Variants in TRIM59 observed in about 807,000 individuals in gnomAD.
TRIM59 encodes the protein tripartite motif containing 59.
TRIM59 carries 14 observed loss-of-function variants against 32.2 expected under a neutral mutation model. The ratio of observed to expected loss-of-function variants is 0.43; its 90% CI spans 0.29 to 0.68. TRIM59 has a LOEUF of 0.68. TRIM59 is among the 30% of genes least tolerant of loss of function. TRIM59 has a pLI of 0.15. For missense variants in TRIM59, 471 were observed against 463.3 expected, an observed-to-expected ratio of 1.02 and a Z score of -0.15; for synonymous variants, 163 against 155.1, an observed-to-expected ratio of 1.05 and a Z score of -0.38.
chr3:160,439,098 A>G lies in TRIM59; in HGVS notation c.86T>C (p.Phe29Ser). 1 of 1,550,644 alleles carries G rather than the reference A, an allele frequency of 6.4e-7. No homozygotes were observed. Among genetic ancestry groups the G allele is most frequent in the Non-Finnish European group, 8.7e-7 (1 of 1,150,486 alleles). ...DPRVLPCSHT[F>S]CRNCLENILQ... ...AATGTTTTCCAAACAATTTCTACAAAATGTATGAGAGCATGGCAGTACACG... is the reference window on the plus strand; with the variant it reads ...AATGTTTTCCAAACAATTTCTACAAGATGTATGAGAGCATGGCAGTACACG... The change falls in exon 3 of 3, where the codon TTT (phenylalanine) becomes TCT (serine). Residue 29 changes from phenylalanine to serine, a missense_variant. Coordinates refer to ENST00000309784, the MANE Select transcript of TRIM59 (RefSeq NM_173084.3).
chr3:160,443,983 CAT>C (rs1255327398), intron 2 of TRIM59, among the ~76,000 whole-genome samples: 1 of 151,656 alleles, frequency 6.6e-6, no homozygotes, highest in African/African-American at 2.4e-5. Flanking sequence ...GTATATGAAA[CAT>C]ATTGAGAGGT....
In TRIM59 at chr3:160,444,396, A is replaced by G. The variant is rs543273690; in HGVS notation, c.-4+4330T>C. ...TATAATACAATTTTAAAGAAATAAGAACAATTCTACAAGTATCCACACAGA... is the reference window on the plus strand; with the variant it reads ...TATAATACAATTTTAAAGAAATAAGGACAATTCTACAAGTATCCACACAGA... On this transcript the variant is annotated intron_variant, in intron 2 of 2. Transcript: ENST00000309784. Among the ~76,000 whole-genome samples, 18 of 152,352 alleles carry G rather than the reference A, an allele frequency of 1.2e-4. No homozygotes were observed. The South Asian group carries it at 3.5e-3, about 30-fold the overall frequency.
chr3:160,448,595 G>T (rs1577021532), intron 2 of TRIM59, 131 bp downstream of exon 2: 1 of 439,710 alleles, frequency 2.3e-6, no homozygotes, highest in Non-Finnish European at 3.9e-6. Flanking sequence ...CGATAAAATG[G>T]TTGGAGTTTT....
At chr3:160,440,358 C>T (rs1056679970) in intron 2 of TRIM59, among the ~76,000 whole-genome samples, 1 of 152,142 alleles carries the variant, frequency 6.6e-6, no homozygotes, top group Non-Finnish European at 1.5e-5. Flanking sequence ...TCTCTCGATC[C>T]GTATTTCTCT....
chr3:160,449,586 A>G, intron 1 of TRIM59, 131 bp downstream of exon 1: 1 of 1,289,172 alleles, frequency 7.8e-7, no homozygotes, highest in Non-Finnish European at 1.0e-6. Flanking sequence ...TGCAGGTCCC[A>G]AGCCACTCCC....
intron 2 of TRIM59, among the ~76,000 whole-genome samples, chr3:160,448,018 C>T (rs1341068660): frequency 2.6e-5 from 4 of 151,964 alleles, no homozygotes; most frequent in African/African-American, 7.3e-5. Context: ...TGAGAGATCA[C>T]CTTAACTTTT....
Position 160,436,147 on chromosome 3 carries a change from T to C in TRIM59, c.*1825A>G, listed in dbSNP as rs1290746161. ...TAATTGTGCTAGGTATAAGTCTGAT[T>C]CTAATAATAAATTGATATAATACAG... is the stretch of plus-strand genomic sequence containing the variant. On this transcript the variant is annotated 3_prime_UTR_variant, in exon 3 of 3. Transcript: ENST00000309784. 9.7e-7 allele frequency: 1 copy of C among 1,034,902 alleles called. No homozygotes were observed. The highest frequency in any genetic ancestry group is 9.5e-5 in the East Asian group (1 of 10,510). 64.1% of individuals were successfully genotyped at this position (1,034,902 alleles called of 1,614,324 possible).
In TRIM59 at chr3:160,439,190, T is replaced by C; in HGVS notation, c.-3-4A>G. ...CTTCCTCAAAATTGTGCATTTCCTG[T>C]CAAGAGAAAAATGTATTTTAAGTTT... On this transcript the variant is annotated splice_region_variant and splice_polypyrimidine_tract_variant and intron_variant, in intron 2 of 2. Transcript: ENST00000309784. 6.7e-7 allele frequency: 1 copy of C among 1,485,882 alleles called. No individual in the cohort carries two copies. Among genetic ancestry groups the C allele is most frequent in the Non-Finnish European group, 8.9e-7 (1 of 1,117,780 alleles). The allele number at this position is 1,485,882 out of a possible 1,614,324, so 92.0% of individuals were successfully genotyped here.
intron 2 of TRIM59, 52 bp downstream of exon 2, chr3:160,448,674 C>G: frequency 9.5e-7 from 1 of 1,051,012 alleles, no homozygotes; most frequent in Non-Finnish European, 1.3e-6. Context: ...ATCATACACT[C>G]TGTAAAAACT....
At chr3:160,441,173 T>C (rs1488177042) in intron 2 of TRIM59, among the ~76,000 whole-genome samples, 3 of 152,234 alleles carry the variant, frequency 2.0e-5, no homozygotes, top group Non-Finnish European at 2.9e-5. Flanking sequence ...TTTTACTTCA[T>C]AGCACTTTAA....
chr3:160,441,369 C>T (rs979185272), intron 2 of TRIM59, among the ~76,000 whole-genome samples: 6 of 152,156 alleles, frequency 3.9e-5, no homozygotes, highest in Non-Finnish European at 7.4e-5. Context: ...TGTGTTAATA[C>T]AGATTTTTGT....
chr3:160,441,388 TTTTTG>T (rs1396677361), intron 2 of TRIM59, among the ~76,000 whole-genome samples: 6 of 152,118 alleles, frequency 3.9e-5, no homozygotes, highest in South Asian at 4.1e-4. Flanking sequence ...GTTTTGGGGT[TTTTTG>T]TTTTTTGTTT....
rs1280916594 is a variant in TRIM59, at chr3:160,438,098, T to C, written c.1086A>G (p.Ile362Met). Residue 362 changes from isoleucine to methionine, a missense_variant, in exon 3 of 3, where the codon ATA becomes ATG. Transcript: ENST00000309784. ...CAGATAGAGAGGCTTCAGAAAACCATATTAAAGTGATTTCACTTAAAAAGG... is the reference window on the plus strand; with the variant it reads ...CAGATAGAGAGGCTTCAGAAAACCACATTAAAGTGATTTCACTTAAAAAGG... ...IITFLSEITL[I>M]WFSEASLSVY... is the part of the protein sequence containing the mutation. The C allele has an allele frequency of 1.9e-6, 3 of 1,612,886 alleles. No individual in the cohort carries two copies. The highest frequency in any genetic ancestry group is 2.2e-5 in the East Asian group (1 of 44,824).
chr3:160,439,110 C>T lies in TRIM59; in HGVS notation c.74G>A (p.Cys25Tyr), dbSNP rs147438393. 1.3e-5 allele frequency: 20 copies of T among 1,529,570 alleles called. No homozygotes were observed. Among genetic ancestry groups the T allele is most frequent in the Non-Finnish European group, 1.7e-5 (19 of 1,140,350 alleles). 94.7% of individuals were successfully genotyped at this position (1,529,570 alleles called of 1,614,324 possible). A position where few individuals can be genotyped will look rare whatever the true frequency, so the allele number is the denominator to read the frequency against. ...ACAATTTCTACAAAATGTATGAGAGCATGGCAGTACACGAGGATCTTCAAA... is the reference window on the plus strand; with the variant it reads ...ACAATTTCTACAAAATGTATGAGAGTATGGCAGTACACGAGGATCTTCAAA... ...SIFEDPRVLP[C>Y]SHTFCRNCLE... The change falls in exon 3 of 3, where the codon TGC (cysteine) becomes TAC (tyrosine). Residue 25 changes from cysteine to tyrosine, a missense_variant. Transcript: ENST00000309784.
chr3:160,439,226 AC>A, intron 2 of TRIM59, 40 bp from the exon 3 acceptor site: 2 of 1,436,506 alleles, frequency 1.4e-6, no homozygotes, highest in Non-Finnish European at 1.8e-6. Context: ...ACATAGAGAC[AC>A]CTGTACATAT....
intron 2 of TRIM59, among the ~76,000 whole-genome samples, chr3:160,444,559 C>T (rs1719422778): frequency 6.6e-6 from 1 of 152,310 alleles, no homozygotes; most frequent in South Asian, 2.1e-4. Context: ...GCTGCTACTC[C>T]CTGCACATGG....
chr3:160,446,574 T>G (rs1719541455), intron 2 of TRIM59, among the ~76,000 whole-genome samples: 1 of 152,078 alleles, frequency 6.6e-6, no homozygotes, highest in South Asian at 2.1e-4. Context: ...ATATATAATA[T>G]CAAAACCAAT....
Position 160,438,178 on chromosome 3 carries a change from TA to T in TRIM59, c.1005del (p.Thr336HisfsTer2), listed in dbSNP as rs1560023421. On this transcript the variant is annotated frameshift_variant, in exon 3 of 3. Coordinates refer to ENST00000309784, the MANE Select transcript of TRIM59 (RefSeq NM_173084.3). LOFTEE classifies it high-confidence loss of function. ...EFLKILNIVV[V>X]TLISVILMSI... ...GACATCAGTATTACTGAAATTAATGTAACTACAACAATGTTTAAAATTTTTA... is the reference window on the plus strand; with the variant it reads ...GACATCAGTATTACTGAAATTAATGTACTACAACAATGTTTAAAATTTTTA... 1.1e-5 allele frequency: 18 copies of T among 1,612,274 alleles called. No homozygotes were observed. The South Asian group carries it at 1.9e-4, about 17-fold the overall frequency.
chr3:160,449,227 T>G (rs1197991715), intron 1 of TRIM59, among the ~76,000 whole-genome samples: 1 of 152,218 alleles, frequency 6.6e-6, no homozygotes, highest in African/African-American at 2.4e-5. Context: ...CTGTGGGACC[T>G]GGGTCAGTAT....
Sources: allele counts gnomAD v4.1 joint callset (sites outside exome capture counted in the v4.1 genomes callset), GRCh38; gene constraint gnomAD v4.1.1; transcripts MANE v1.5; gene names NCBI Gene and HGNC (gene_info 2026-07-23, HGNC 2026-07-21).